The following TMTC4 variants were observed in gnomAD, a reference collection of about 807,000 sequenced individuals.
The protein encoded by TMTC4 is transmembrane O-mannosyltransferase targeting cadherins 4.
In TMTC4, 65 loss-of-function variants were observed where a neutral mutation model predicts 86.0. The observed-to-expected ratio is 0.76, with a 90% CI of 0.62 to 0.93. The LOEUF is 0.93. Among genes scored for constraint, TMTC4 ranks in the 40% least tolerant of loss-of-function variants. The pLI is 0.00. For synonymous variants in TMTC4, 379 were observed against 382.5 expected, an observed-to-expected ratio of 0.99 and a Z score of 0.11; for missense variants, 866 against 948.1, an observed-to-expected ratio of 0.91 and a Z score of 1.14.
intron 7 of TMTC4, 25 bp from the exon 8 acceptor site, chr13:100,638,047 A>G: frequency 1.3e-6 from 2 of 1,596,712 alleles, no homozygotes; most frequent in Non-Finnish European, 1.7e-6. Flanking sequence ...CAAGACAATC[A>G]GCCACGGGAG....
intron 2 of TMTC4, 190 bp downstream of exon 2, chr13:100,670,166 GATGA>G: frequency 3.6e-6 from 2 of 550,494 alleles, no homozygotes; most frequent in Non-Finnish European, 3.1e-6. Context: ...TTCCTGCTGA[GATGA>G]AAGAGAATTC....
intron 1 of TMTC4, among the ~76,000 whole-genome samples, chr13:100,672,179 C>T (rs897707974): frequency 7.2e-5 from 11 of 152,196 alleles, no homozygotes; most frequent in East Asian, 1.9e-4. Flanking sequence ...CTGCCTGTCT[C>T]GGGCGCACCC....
rs549945761 is a variant in TMTC4, at chr13:100,616,880, T to C, written c.1837-2450A>G. ...TTAATGGGGCTGTTTTTTTGCTTGTTGATTTGTTACTTATAGATCTCAATA... is the reference window on the plus strand; with the variant it reads ...TTAATGGGGCTGTTTTTTTGCTTGTCGATTTGTTACTTATAGATCTCAATA... On this transcript the variant is annotated intron_variant, in intron 15 of 18. Transcript: ENST00000342624. 2.0e-5 allele frequency among the ~76,000 whole-genome samples: 3 copies of C among 152,344 alleles called. No homozygotes were observed. In the South Asian group the frequency reaches 6.2e-4, roughly 32 times the overall value.
At position 100,661,288 on chromosome 13, in the gene TMTC4, T is replaced by C. The variant is rs140381818; in HGVS notation, c.552+1676A>G. 2.8e-3 allele frequency among the ~76,000 whole-genome samples: 430 copies of C among 152,316 alleles called. 3 individuals are homozygous for C. Among genetic ancestry groups the C allele is most frequent in the African/African-American group, 9.6e-3 (399 of 41,566 alleles). ...GAATGTGCGTGTGTGTGAGAGAGAA[T>C]GTGTGCGTGTGAGTGTGTACGTGTG... On this transcript the variant is annotated intron_variant, in intron 5 of 18. Coordinates refer to ENST00000342624, the MANE Select transcript of TMTC4 (RefSeq NM_032813.5).
chr13:100,674,404 C>T (rs1395014321), intron 1 of TMTC4: 2 of 934,938 alleles, frequency 2.1e-6, no homozygotes, highest in Non-Finnish European at 2.5e-6. Flanking sequence ...GCGCCCGGGC[C>T]GAGGGAGCGC....
At chr13:100,621,852 G>A (rs1287428234) in intron 15 of TMTC4, among the ~76,000 whole-genome samples, 2 of 152,152 alleles carry the variant, frequency 1.3e-5, no homozygotes, top group Non-Finnish European at 2.9e-5. Flanking sequence ...CATGAATTCA[G>A]GTAAGACCTC....
At chr13:100,641,970 C>T (rs554982404) in intron 7 of TMTC4, among the ~76,000 whole-genome samples, 2 of 152,336 alleles carry the variant, frequency 1.3e-5, no homozygotes, top group Admixed American at 1.3e-4. Flanking sequence ...TCCCTAAGAA[C>T]TCCTCATTCA....
chr13:100,618,399 T>C (rs966131869), intron 15 of TMTC4, among the ~76,000 whole-genome samples: 2 of 151,838 alleles, frequency 1.3e-5, no homozygotes, highest in Non-Finnish European at 1.5e-5. Flanking sequence ...GGAGTGGGCA[T>C]CCTTGCCTGG....
chr13:100,621,079 A>T (rs1879400998), intron 15 of TMTC4, among the ~76,000 whole-genome samples: 1 of 152,226 alleles, frequency 6.6e-6, no homozygotes, highest in South Asian at 2.1e-4. Context: ...ATAAACCAAA[A>T]GCAGTACAAG....
rs1232691841 is a variant in TMTC4, at chr13:100,603,874, G to A, written c.*1120C>T. ...AGTTTGATTTCATTTTAAGGTAAAG[G>A]AGGATACAAAGTTCACTACTTGAAA... On this transcript the variant is annotated 3_prime_UTR_variant, in exon 19 of 19. Transcript: ENST00000342624. 6.6e-6 allele frequency: 1 copy of A among 152,542 alleles called. No individual in the cohort carries two copies. Among genetic ancestry groups the A allele is most frequent in the Non-Finnish European group, 1.5e-5 (1 of 68,020 alleles). The allele number at this position is 152,542 out of a possible 1,614,324, so 9.4% of individuals were successfully genotyped here. A position where few individuals can be genotyped will look rare whatever the true frequency, so the allele number is the denominator to read the frequency against.
At position 100,618,221 on chromosome 13, in the gene TMTC4, C is replaced by T. The variant is rs547642910; in HGVS notation, c.1837-3791G>A. Among the ~76,000 whole-genome samples, 3 of 152,204 alleles carry T rather than the reference C, an allele frequency of 2.0e-5. No homozygotes were observed. In the South Asian group the frequency reaches 6.2e-4, roughly 32 times the overall value. ...ACTTTACTGAAGTTGTTTATGAGTTCCAGGAGCCTTCTGGTAAAGTCTGCA... is the reference window on the plus strand; with the variant it reads ...ACTTTACTGAAGTTGTTTATGAGTTTCAGGAGCCTTCTGGTAAAGTCTGCA... On this transcript the variant is annotated intron_variant, in intron 15 of 18. Coordinates refer to ENST00000342624, the MANE Select transcript of TMTC4 (RefSeq NM_032813.5).
At chr13:100,614,835 C>T (rs1878215177) in intron 15 of TMTC4, 1 of 777,860 alleles carries the variant, frequency 1.3e-6, no homozygotes, top group African/African-American at 1.9e-5. Flanking sequence ...TAGTCTTTTT[C>T]ACTAAAGACT....
In TMTC4 at chr13:100,674,750, G is replaced by C. The variant is rs1336783269; in HGVS notation, c.-214C>G. ...GGGCCGCCCCGCGCGTTACCTGCAA[G>C]GAGCCTGAGCCCCGGCCGCATCTCC... On this transcript the variant is annotated 5_prime_UTR_variant, in exon 1 of 19. Transcript: ENST00000342624. 15 of 983,634 alleles carry C rather than the reference G, an allele frequency of 1.5e-5. No individual in the cohort carries two copies. Among genetic ancestry groups the C allele is most frequent in the African/African-American group, 1.8e-5 (1 of 57,048 alleles). The allele number at this position is 983,634 out of a possible 1,614,324, so 60.9% of individuals were successfully genotyped here.
In TMTC4 at chr13:100,656,463, A is replaced by G; in HGVS notation, c.558T>C (p.Ala186=). 1 of 1,600,880 alleles carries G rather than the reference A, an allele frequency of 6.2e-7. No homozygotes were observed. Among genetic ancestry groups the G allele is most frequent in the East Asian group, 2.2e-5 (1 of 44,448 alleles). ...GGAGGTCTGCACGGCCGACAACACCAGCAACCTTAAAAAAGGGGGAAGAAA... is the reference window on the plus strand; with the variant it reads ...GGAGGTCTGCACGGCCGACAACACCGGCAACCTTAAAAAAGGGGGAAGAAA... ...AVHPVHTECV[A]GVVGRADLLC... Residue 186 remains alanine (A), a synonymous_variant, in exon 6 of 19, where the codon GCT becomes GCC. Coordinates refer to ENST00000342624, the MANE Select transcript of TMTC4 (RefSeq NM_032813.5).
At position 100,604,875 on chromosome 13, in the gene TMTC4, G is replaced by GA. The variant is rs1269919900; in HGVS notation, c.*118dup. 2.7e-5 allele frequency: 33 copies of GA among 1,205,746 alleles called. No homozygotes were observed. Among genetic ancestry groups the GA allele is most frequent in the Middle Eastern group, 2.0e-4 (1 of 4,902 alleles). The allele number at this position is 1,205,746 out of a possible 1,614,324, so 74.7% of individuals were successfully genotyped here. ...CTTTTTGCATGTCTTTGTTTTCATAGAAAAAAATCAGTAAAATAACATGTC... is the reference window on the plus strand; with the variant it reads ...CTTTTTGCATGTCTTTGTTTTCATAGAAAAAAAATCAGTAAAATAACATGTC... On this transcript the variant is annotated 3_prime_UTR_variant, in exon 19 of 19. Transcript: ENST00000342624.
intron 2 of TMTC4, among the ~76,000 whole-genome samples, chr13:100,669,313 GAC>G (rs1379947183): frequency 6.6e-6 from 1 of 152,158 alleles, no homozygotes; most frequent in East Asian, 1.9e-4. Context: ...CTGAGACTCT[GAC>G]ACAGAGACAG....
chr13:100,618,283 A>C (rs1215388078), intron 15 of TMTC4, among the ~76,000 whole-genome samples: 1 of 152,088 alleles, frequency 6.6e-6, no homozygotes, highest in African/African-American at 2.4e-5. Context: ...GTCCATGAAG[A>C]GAGATAGCTT....
At chr13:100,673,048 C>G (rs1887328085) in intron 1 of TMTC4, among the ~76,000 whole-genome samples, 1 of 152,216 alleles carries the variant, frequency 6.6e-6, no homozygotes, top group African/African-American at 2.4e-5. Context: ...CGCTACCTGA[C>G]TCCTGCGACA....
chr13:100,649,396 G>A (rs1222497278), intron 6 of TMTC4, among the ~76,000 whole-genome samples: 1 of 152,094 alleles, frequency 6.6e-6, no homozygotes, highest in Non-Finnish European at 1.5e-5. Flanking sequence ...TAATCTAGAG[G>A]AATTTAGACT....
Sources: gnomAD v4.1 joint callset for allele counts (sites outside exome capture counted in the v4.1 genomes callset) on GRCh38, gnomAD v4.1.1 for gene constraint, MANE v1.5 for transcripts, NCBI Gene and HGNC (gene_info 2026-07-23, HGNC 2026-07-21) for gene names.